The following HIP1 variants were observed in gnomAD, a reference collection of about 807,000 sequenced individuals.
HIP1 encodes the protein huntingtin-interacting protein 1.
In HIP1, 65 loss-of-function variants were observed where a neutral mutation model predicts 147.6. The ratio of observed to expected loss-of-function variants is 0.44; its 90% confidence interval spans 0.36 to 0.54. The LOEUF (loss-of-function observed/expected upper bound fraction) is 0.54, where lower values mean the gene tolerates loss of function less well. HIP1 is among the 20% of genes least tolerant of loss of function. HIP1 has a pLI of 0.00. For missense variants in HIP1, 1,061 were observed against 1,299.6 expected (o/e 0.82, Z 2.82); for synonymous variants, 479 against 504.0 (o/e 0.95, Z 0.67).
chr7:75,590,706 TA>T (rs1182081104), intron 4 of HIP1, among the ~76,000 whole-genome samples: 2 of 152,130 alleles, frequency 1.3e-5, no homozygotes, highest in Non-Finnish European at 2.9e-5. Context: ...ATGCTTAAAG[TA>T]AAAAGATGGA....
Position 75,558,208 on chromosome 7 carries a change from A to G in HIP1, c.1423T>C (p.Tyr475His), listed in dbSNP as rs782575881. 1.9e-6 allele frequency: 3 copies of G among 1,614,068 alleles called. No homozygotes were observed. The highest frequency in any genetic ancestry group is 4.5e-5 in the East Asian group (2 of 44,890). Residue 475 changes from tyrosine (Y) to histidine (H), a missense_variant, in exon 15 of 31, where the codon TAC becomes CAC. Tyr to His is a moderately conservative substitution (Grantham distance 83). Coordinates refer to ENST00000336926, the MANE Select transcript of HIP1 (RefSeq NM_005338.7). The part of the protein sequence containing the change: ...EQRYSKLKEK[Y>H]SELVQNHADL... Reference sequence around the variant, plus strand: ...GCGTGGTTCTGAACCAGCTCGCTGTACTTCTCCTTTAGCTTGCTATATCGC... The same window carrying G: ...GCGTGGTTCTGAACCAGCTCGCTGTGCTTCTCCTTTAGCTTGCTATATCGC...
rs201000431 is a variant in HIP1, at chr7:75,612,940, C to T, written c.121-13693G>A. ...CCAACATGGTGAAACTCCGTCTCTA[C>T]TAAAAATACAAAAATTAGCTGGGCA... On this transcript the variant is annotated intron_variant, in intron 1 of 30. Coordinates refer to ENST00000336926, the MANE Select transcript of HIP1 (RefSeq NM_005338.7). Among the ~76,000 whole-genome samples, 38 of 152,170 alleles carry T rather than the reference C, an allele frequency of 2.5e-4. No individual in the cohort carries two copies. The East Asian group carries it at 6.8e-3, about 27-fold the overall frequency.
chr7:75,544,320 C>A (rs187053856), intron 27 of HIP1, among the ~76,000 whole-genome samples: 1 of 152,152 alleles, frequency 6.6e-6, no homozygotes, highest in African/African-American at 2.4e-5. Context: ...TACTATCTAA[C>A]CTAGCCAAGT....
chr7:75,721,234 A>G (rs1554521303), intron 1 of HIP1, among the ~76,000 whole-genome samples: 2 of 150,694 alleles, frequency 1.3e-5, no homozygotes, highest in African/African-American at 4.9e-5. Flanking sequence ...AAAAATAGCC[A>G]GGCATGATGG....
intron 19 of HIP1, among the ~76,000 whole-genome samples, chr7:75,554,829 A>T (rs1371936490): frequency 6.6e-6 from 1 of 151,944 alleles, no homozygotes; most frequent in Non-Finnish European, 1.5e-5. Context: ...TAATTCCAGC[A>T]CTTTGAGAGG....
intron 1 of HIP1, among the ~76,000 whole-genome samples, chr7:75,650,114 G>T (rs188948205): frequency 1.3e-5 from 2 of 152,236 alleles, no homozygotes; most frequent in African/African-American, 4.8e-5. Flanking sequence ...ATGATTAGCT[G>T]GCGGGTTCTG....
chr7:75,561,350 C>T lies in HIP1; in HGVS notation c.1170G>A (p.Gln390=), dbSNP rs1173704351. ...ATACCTCAGTCTTCATGTTTTCTAG[C>T]TGTGCCTTCAATCCACTGATCTCTC... ...LYREISGLKA[Q]LENMKTESQR... Residue 390 remains glutamine, a synonymous_variant, in exon 13 of 31, where the codon CAG becomes CAA. Transcript: ENST00000336926. The T allele has an allele frequency of 1.9e-6, 3 of 1,612,588 alleles. No homozygotes were observed. Among genetic ancestry groups the T allele is most frequent in the Non-Finnish European group, 2.5e-6 (3 of 1,178,692 alleles).
chr7:75,683,465 C>A (rs575496685), intron 1 of HIP1, among the ~76,000 whole-genome samples: 3 of 151,922 alleles, frequency 2.0e-5, no homozygotes, highest in East Asian at 1.9e-4. Context: ...GAGAGCAGGG[C>A]GTGTGCATGT....
At chr7:75,724,329 C>T (rs1001442301) in intron 1 of HIP1, among the ~76,000 whole-genome samples, 1 of 152,050 alleles carries the variant, frequency 6.6e-6, no homozygotes, top group Non-Finnish European at 1.5e-5. Flanking sequence ...CTCACTGCAA[C>T]CTCTGCCTCC....
rs587624080 is a variant in HIP1, at chr7:75,574,051, C to T, written c.605-150G>A. ...TAATTCATTTAACCTTCACAACACT[C>T]CCATGAGATAGGTAAACGTATCCCC... On this transcript the variant is annotated intron_variant, in intron 7 of 30. Transcript: ENST00000336926. 4 of 601,934 alleles carry T rather than the reference C, an allele frequency of 6.6e-6. No homozygotes were observed. In the East Asian group the frequency reaches 1.1e-4, roughly 17 times the overall value. 37.3% of individuals were successfully genotyped at this position (601,934 alleles called of 1,614,324 possible). A position where few individuals can be genotyped will look rare whatever the true frequency, so the allele number is the denominator to read the frequency against.
chr7:75,613,558 G>A (rs915640335), intron 1 of HIP1, among the ~76,000 whole-genome samples: 3 of 152,052 alleles, frequency 2.0e-5, no homozygotes, highest in African/African-American at 7.2e-5. Flanking sequence ...TTGGTCCCTA[G>A]AGGGCAAGAA....
At chr7:75,636,510 A>G (rs936456985) in intron 1 of HIP1, among the ~76,000 whole-genome samples, 1 of 152,226 alleles carries the variant, frequency 6.6e-6, no homozygotes, top group African/African-American at 2.4e-5. Context: ...AGGCCCCCAG[A>G]GCGAGGACTT....
intron 1 of HIP1, among the ~76,000 whole-genome samples, chr7:75,623,448 G>A (rs1447734770): frequency 6.6e-6 from 1 of 152,184 alleles, no homozygotes; most frequent in African/African-American, 2.4e-5. Flanking sequence ...GATGGGAATG[G>A]GGCCTGGTGC....
chr7:75,614,876 T>G (rs1554505671), intron 1 of HIP1, among the ~76,000 whole-genome samples: 1 of 151,988 alleles, frequency 6.6e-6, no homozygotes, highest in Non-Finnish European at 1.5e-5. Context: ...CGGGTTCAAG[T>G]GATTCTCCTG....
In HIP1 at chr7:75,666,630, A is replaced by T. The variant is rs11772507; in HGVS notation, c.121-67383T>A. On this transcript the variant is annotated intron_variant, in intron 1 of 30. Coordinates refer to ENST00000336926, the MANE Select transcript of HIP1 (RefSeq NM_005338.7). ...AACTGGGCATGGTGGACCCAAGGTT[A>T]GATAGAGCGGGTGTTACTGAAGTCA... 1.7e-3 allele frequency among the ~76,000 whole-genome samples: 265 copies of T among 152,342 alleles called. 1 individual carries two copies. Among genetic ancestry groups the T allele is most frequent in the Non-Finnish European group, 2.5e-3 (170 of 68,026 alleles).
chr7:75,596,509 C>A (rs1584856114), intron 2 of HIP1, among the ~76,000 whole-genome samples: 1 of 152,124 alleles, frequency 6.6e-6, no homozygotes, highest in Non-Finnish European at 1.5e-5. Flanking sequence ...GCCACAGCCT[C>A]CCAAGTAGCT....
chr7:75,654,021 G>A (rs1418612584), intron 1 of HIP1, among the ~76,000 whole-genome samples: 1 of 152,160 alleles, frequency 6.6e-6, no homozygotes, highest in Admixed American at 6.6e-5. Context: ...TTACAGCCAG[G>A]TCACATGCCT....
chr7:75,608,691 A>G (rs765591474), intron 1 of HIP1, among the ~76,000 whole-genome samples: 34 of 152,226 alleles, frequency 2.2e-4, no homozygotes, highest in Non-Finnish European at 3.8e-4. Context: ...GGATGAACTT[A>G]AAGCTGTCTC....
chr7:75,680,760 C>T (rs1370736416), intron 1 of HIP1, among the ~76,000 whole-genome samples: 3 of 151,914 alleles, frequency 2.0e-5, no homozygotes, highest in Admixed American at 6.6e-5. Context: ...CAGGCATGTG[C>T]CACCACGCCC....
Sources: allele counts gnomAD v4.1 joint callset (sites outside exome capture counted in the v4.1 genomes callset), GRCh38; gene constraint gnomAD v4.1.1; transcripts MANE v1.5; gene names NCBI Gene and HGNC (gene_info 2026-07-23, HGNC 2026-07-21).